PREX2: variants seen among roughly 807,000 people sequenced by gnomAD.
The protein encoded by PREX2 is phosphatidylinositol 3,4,5-trisphosphate-dependent Rac exchanger 2 protein.
A neutral mutation model predicts 203.2 loss-of-function variants in PREX2; 107 were observed. That is an observed-to-expected ratio of 0.53 (90% CI 0.45 to 0.62). PREX2 has a LOEUF of 0.62. PREX2 is among the 20% of genes least tolerant of loss of function. The probability of loss-of-function intolerance (pLI) is 0.00; values close to 1 mark genes in which losing one functional copy is unlikely to be tolerated. For missense variants in PREX2, 1,777 were observed against 1,955.9 expected (o/e 0.91, Z 1.72); for synonymous variants, 672 against 663.6 (o/e 1.01, Z -0.19).
intron 25 of PREX2, among the ~76,000 whole-genome samples, chr8:68,115,510 C>G (rs1261991136): frequency 6.6e-6 from 1 of 151,142 alleles, no homozygotes; most frequent in African/African-American, 2.5e-5. Flanking sequence ...TATAGTCATA[C>G]ATGGCACAAC....
At chr8:68,170,288 G>A (rs1811849902) in intron 35 of PREX2, among the ~76,000 whole-genome samples, 2 of 152,230 alleles carry the variant, frequency 1.3e-5, no homozygotes, top group Non-Finnish European at 2.9e-5. Flanking sequence ...ACAGAATGGA[G>A]AGGCCACTGA....
intron 27 of PREX2, 129 bp downstream of exon 27, chr8:68,118,773 C>T: frequency 2.6e-6 from 2 of 779,876 alleles, no homozygotes; most frequent in South Asian, 2.7e-5. Flanking sequence ...TCTGTGGCCA[C>T]ACATACTGCA....
At chr8:67,975,303 G>A (rs1013525705) in intron 1 of PREX2, among the ~76,000 whole-genome samples, 1 of 113,328 alleles carries the variant, frequency 8.8e-6, no homozygotes, top group Non-Finnish European at 1.7e-5. Context: ...TTTTTTTGGT[G>A]TGTGTCTGTG....
intron 11 of PREX2, among the ~76,000 whole-genome samples, chr8:68,061,339 T>C (rs1053904823): frequency 2.0e-5 from 3 of 152,154 alleles, no homozygotes; most frequent in South Asian, 2.1e-4. Flanking sequence ...TGCTGTGGCA[T>C]GTGGGCTTAT....
chr8:68,147,187 T>G (rs1158365380), intron 34 of PREX2, among the ~76,000 whole-genome samples: 1 of 152,218 alleles, frequency 6.6e-6, no homozygotes, highest in Non-Finnish European at 1.5e-5. Context: ...ACATTGGTTT[T>G]GCTGTGGAAT....
intron 25 of PREX2, among the ~76,000 whole-genome samples, chr8:68,112,885 C>T (rs941144767): frequency 1.4e-4 from 22 of 152,234 alleles, no homozygotes; most frequent in East Asian, 9.6e-4. Context: ...GACTTAGCAT[C>T]GTGACTGTCA....
chr8:68,031,610 C>A (rs535704014), intron 6 of PREX2, among the ~76,000 whole-genome samples: 1 of 152,148 alleles, frequency 6.6e-6, no homozygotes, highest in African/African-American at 2.4e-5. Flanking sequence ...TCCCTTCTCT[C>A]CTGTGAATCT....
intron 23 of PREX2, among the ~76,000 whole-genome samples, chr8:68,104,079 T>C (rs1471684886): frequency 6.6e-6 from 1 of 152,180 alleles, no homozygotes; most frequent in Non-Finnish European, 1.5e-5. Context: ...ATGCCCATCC[T>C]CCCCATTGCT....
intron 9 of PREX2, among the ~76,000 whole-genome samples, chr8:68,054,731 C>T (rs747759373): frequency 3.9e-5 from 6 of 152,184 alleles, no homozygotes; most frequent in Non-Finnish European, 5.9e-5. Context: ...AACTTTATGT[C>T]CAGCCTTGCC....
intron 32 of PREX2, among the ~76,000 whole-genome samples, chr8:68,135,844 ATGG>A (rs1811105086): frequency 2.0e-5 from 3 of 152,232 alleles, no homozygotes; most frequent in African/African-American, 7.2e-5. Flanking sequence ...CAACTGATGA[ATGG>A]ATAAACAAAA....
At chr8:68,080,674 T>G in intron 16 of PREX2, 72 bp from the exon 17 acceptor site, 1 of 1,434,230 alleles carries the variant, frequency 7.0e-7, no homozygotes, top group South Asian at 1.2e-5. Flanking sequence ...TGATGCACAT[T>G]ACTTCGTTCT....
At chr8:67,956,091 G>A (rs890220044) in intron 1 of PREX2, among the ~76,000 whole-genome samples, 1 of 152,180 alleles carries the variant, frequency 6.6e-6, no homozygotes, top group East Asian at 1.9e-4. Context: ...ATGGTAGAGA[G>A]TGACATAATT....
intron 1 of PREX2, among the ~76,000 whole-genome samples, chr8:67,966,587 C>A (rs1377285152): frequency 6.6e-6 from 1 of 151,990 alleles, no homozygotes; most frequent in Non-Finnish European, 1.5e-5. Flanking sequence ...CATGGTGAGA[C>A]CTCTGTCTCT....
At chr8:67,970,535 A>G (rs1805898006) in intron 1 of PREX2, among the ~76,000 whole-genome samples, 2 of 152,186 alleles carry the variant, frequency 1.3e-5, no homozygotes, top group African/African-American at 2.4e-5. Context: ...CTCAGCTCCA[A>G]CAACCTCCTA....
Position 67,964,169 on chromosome 8 carries a change from G to A in PREX2, c.141+11634G>A, listed in dbSNP as rs549781406. 3.2e-4 allele frequency among the ~76,000 whole-genome samples: 49 copies of A among 152,346 alleles called. No individual in the cohort carries two copies. The South Asian group carries it at 9.9e-3, about 31-fold the overall frequency. On this transcript the variant is annotated intron_variant, in intron 1 of 39. Transcript: ENST00000288368. ...CACATTCCAGCCCTAGGGGGACAGA[G>A]GGTGGGAGACAAAGTGGAGGGCAAG...
At chr8:68,090,145 A>G (rs112114267) in intron 19 of PREX2, among the ~76,000 whole-genome samples, 1 of 152,122 alleles carries the variant, frequency 6.6e-6, no homozygotes, top group African/African-American at 2.4e-5. Flanking sequence ...TTTTATGTGC[A>G]TGTTAAATTG....
At chr8:68,214,741 G>A (rs962461720) in intron 37 of PREX2, among the ~76,000 whole-genome samples, 7 of 152,164 alleles carry the variant, frequency 4.6e-5, no homozygotes, top group African/African-American at 1.7e-4. Flanking sequence ...TTCCTGAGAG[G>A]CTTTCTTTCG....
intron 34 of PREX2, among the ~76,000 whole-genome samples, 196 bp from the exon 35 acceptor site, chr8:68,157,126 A>T (rs983129346): frequency 6.6e-5 from 10 of 152,186 alleles, no homozygotes. Flanking sequence ...TTGGACAGAA[A>T]AATCACCAAA....
At chr8:68,076,239 C>G (rs1157914016) in intron 14 of PREX2, among the ~76,000 whole-genome samples, 1 of 152,044 alleles carries the variant, frequency 6.6e-6, no homozygotes, top group African/African-American at 2.4e-5. Flanking sequence ...AGTGGATCAC[C>G]TGAGGTTAGG....
Sources: allele counts gnomAD v4.1 joint callset (sites outside exome capture counted in the v4.1 genomes callset), GRCh38; gene constraint gnomAD v4.1.1; transcripts MANE v1.5; gene names NCBI Gene and HGNC (gene_info 2026-07-23, HGNC 2026-07-21).